TGFBR3: variants seen among roughly 807,000 people sequenced by gnomAD.
TGFBR3 encodes transforming growth factor beta receptor type 3.
In TGFBR3, 46 loss-of-function variants were observed where a neutral mutation model predicts 87.9. That is an observed-to-expected ratio of 0.52 (90% CI 0.41 to 0.67). TGFBR3 has a LOEUF of 0.67. Among genes scored for constraint, TGFBR3 ranks in the 30% least tolerant of loss-of-function variants. TGFBR3 has a pLI of 0.00. For synonymous variants in TGFBR3, 381 were observed against 391.6 expected, an observed-to-expected ratio of 0.97 and a Z score of 0.32; for missense variants, 866 against 1,041.9, an observed-to-expected ratio of 0.83 and a Z score of 2.32.
chr1:91,834,661 G>A (rs536440409), intron 2 of TGFBR3, among the ~76,000 whole-genome samples: 7 of 152,156 alleles, frequency 4.6e-5, no homozygotes, highest in Non-Finnish European at 7.4e-5. Flanking sequence ...GAACAAATAC[G>A]TGAGATGGAG....
intron 13 of TGFBR3, among the ~76,000 whole-genome samples, chr1:91,711,332 G>A (rs1245881050): frequency 1.3e-5 from 2 of 152,212 alleles, no homozygotes; most frequent in African/African-American, 4.8e-5. Flanking sequence ...GGACTATAAT[G>A]ATGCAAGGAA....
intron 2 of TGFBR3, among the ~76,000 whole-genome samples, chr1:91,852,070 G>A (rs1014676670): frequency 7.2e-5 from 11 of 152,240 alleles, no homozygotes; most frequent in South Asian, 4.1e-4. Flanking sequence ...AAAACATGGC[G>A]AAACCTTGTC....
At chr1:91,711,164 A>G (rs1671967179) in intron 13 of TGFBR3, among the ~76,000 whole-genome samples, 1 of 152,214 alleles carries the variant, frequency 6.6e-6, no homozygotes. Flanking sequence ...CTGATGGTGA[A>G]TGCCTACAAG....
chr1:91,743,260 A>G (rs1159250368), intron 4 of TGFBR3, among the ~76,000 whole-genome samples: 1 of 152,150 alleles, frequency 6.6e-6, no homozygotes, highest in Non-Finnish European at 1.5e-5. Context: ...TTCAGTGGTG[A>G]GGAGAGGAAC....
rs1451514146 is a variant in TGFBR3 at position 91,879,191 on chromosome 1, C to T, written c.-114+6687G>A. 3.2e-4 allele frequency among the ~76,000 whole-genome samples: 48 copies of T among 151,980 alleles called. 1 individual carries two copies. Among genetic ancestry groups the T allele is most frequent in the Admixed American group, 3.2e-3 (48 of 15,238 alleles). ...GGCTGAGGCACAATAATCGCTTGAA[C>T]CCAGGAGGCAGAGGTTGCAGTGAGC... is the stretch of plus-strand genomic sequence containing the variant. On this transcript the variant is annotated intron_variant, in intron 1 of 16. Coordinates refer to ENST00000212355, the MANE Select transcript of TGFBR3 (RefSeq NM_003243.5).
intron 2 of TGFBR3, among the ~76,000 whole-genome samples, chr1:91,803,156 T>TCCAA (rs1390618406): frequency 6.6e-6 from 1 of 152,224 alleles, no homozygotes; most frequent in African/African-American, 2.4e-5. Context: ...GATCTGGCCC[T>TCCAA]GCTTCCTGCC....
At chr1:91,750,018 C>T (rs140989956) in intron 4 of TGFBR3, among the ~76,000 whole-genome samples, 5 of 152,274 alleles carry the variant, frequency 3.3e-5, no homozygotes, top group South Asian at 2.1e-4. Context: ...GGACTCCACA[C>T]GAAGAAACAC....
intron 4 of TGFBR3, among the ~76,000 whole-genome samples, chr1:91,746,965 A>G (rs1198871501): frequency 6.6e-6 from 1 of 152,168 alleles, no homozygotes; most frequent in Non-Finnish European, 1.5e-5. Context: ...CCTCAGCCTC[A>G]TGTTAATAAA....
At chr1:91,854,491 G>A (rs1426177443) in intron 2 of TGFBR3, among the ~76,000 whole-genome samples, 2 of 152,000 alleles carry the variant, frequency 1.3e-5, no homozygotes, top group Non-Finnish European at 2.9e-5. Context: ...CAAAGAAACT[G>A]TGACCACCTC....
chr1:91,719,855 G>A lies in TGFBR3; in HGVS notation c.1413+38C>T, dbSNP rs759847638. 1.1e-5 allele frequency: 17 copies of A among 1,607,020 alleles called. No individual in the cohort carries two copies. In the Admixed American group the frequency reaches 2.7e-4, roughly 25 times the overall value. ...CAGACTAGGGCCAGATGGGAAAGGAGGTAGCCTCTCTTCCCTCCTGTAATC... is the reference window on the plus strand; with the variant it reads ...CAGACTAGGGCCAGATGGGAAAGGAAGTAGCCTCTCTTCCCTCCTGTAATC... On this transcript the variant is annotated intron_variant, in intron 9 of 16. Transcript: ENST00000212355.
chr1:91,888,758 C>T (rs549862933), upstream of TGFBR3, among the ~76,000 whole-genome samples: 10 of 152,082 alleles, frequency 6.6e-5, no homozygotes, highest in Admixed American at 3.3e-4. Flanking sequence ...AATAAAATGG[C>T]CTGGTAGATA....
In TGFBR3 at chr1:91,799,940, C is replaced by T. The variant is rs953302525; in HGVS notation, c.62-2469G>A. Among the ~76,000 whole-genome samples, 4 of 152,128 alleles carry T rather than the reference C, an allele frequency of 2.6e-5. No individual in the cohort carries two copies. The South Asian group carries it at 8.3e-4, about 32-fold the overall frequency. ...CACTTCTTGCCTTAGAGTCTATGCT[C>T]TCTGTTTTGCCAGAGTCCAGAACAG... On this transcript the variant is annotated intron_variant, in intron 2 of 16. Transcript: ENST00000212355.
At chr1:91,893,307 A>T (rs1487256278) in intron 2 of TGFBR3, among the ~76,000 whole-genome samples, 1 of 150,996 alleles carries the variant, frequency 6.6e-6, no homozygotes, top group African/African-American at 2.4e-5. Context: ...TTTTTTTGAG[A>T]CAGAGTTTTG....
chr1:91,867,724 C>T (rs1678438707), intron 1 of TGFBR3, among the ~76,000 whole-genome samples: 1 of 152,138 alleles, frequency 6.6e-6, no homozygotes, highest in African/African-American at 2.4e-5. Flanking sequence ...AGGGTGTCTG[C>T]TTTTAAGCTA....
intron 2 of TGFBR3, among the ~76,000 whole-genome samples, chr1:91,898,967 C>T (rs746314920): frequency 6.6e-4 from 100 of 152,224 alleles, no homozygotes; most frequent in Admixed American, 1.1e-3. Context: ...TAAAGTTGAA[C>T]GTGGTTTCAT....
intron 2 of TGFBR3, among the ~76,000 whole-genome samples, chr1:91,802,471 G>A (rs569228332): frequency 7.3e-5 from 11 of 151,410 alleles, no homozygotes; most frequent in Middle Eastern, 3.4e-3. Context: ...AGCGATTCTC[G>A]TGCCTCAGCC....
intron 12 of TGFBR3, among the ~76,000 whole-genome samples, chr1:91,715,834 G>A (rs1222280995): frequency 1.3e-5 from 2 of 151,698 alleles, no homozygotes; most frequent in African/African-American, 2.4e-5. Flanking sequence ...CCCTGCTGGG[G>A]GCTAAGGGGA....
At chr1:91,851,772 T>C (rs1402952491) in intron 2 of TGFBR3, among the ~76,000 whole-genome samples, 2 of 152,044 alleles carry the variant, frequency 1.3e-5, no homozygotes, top group Non-Finnish European at 2.9e-5. Flanking sequence ...CAATCAGAAA[T>C]CCAGAAAGCT....
chr1:91,734,531 C>T (rs777229334), intron 5 of TGFBR3, among the ~76,000 whole-genome samples: 6 of 152,198 alleles, frequency 3.9e-5, no homozygotes, highest in Non-Finnish European at 8.8e-5. Context: ...ACAACCTTCT[C>T]CTCTCTCCCC....
Sources: gnomAD v4.1 joint callset for allele counts (sites outside exome capture counted in the v4.1 genomes callset) on GRCh38, gnomAD v4.1.1 for gene constraint, MANE v1.5 for transcripts, NCBI Gene and HGNC (gene_info 2026-07-23, HGNC 2026-07-21) for gene names.